PLCB4: variants seen among roughly 807,000 people sequenced by gnomAD.
PLCB4 encodes phospholipase C beta 4.
In PLCB4, 77 loss-of-function variants were observed where a neutral mutation model predicts 178.8. The observed-to-expected ratio is 0.43, with a 90% confidence interval of 0.36 to 0.52. The LOEUF (loss-of-function observed/expected upper bound fraction) is 0.52. Ranked by LOEUF, PLCB4 falls within the 20% of genes least tolerant of loss-of-function variation. The pLI, the probability that PLCB4 is intolerant of heterozygous loss-of-function variation, is 0.00. For synonymous variants in PLCB4, 496 were observed against 490.8 expected, an observed-to-expected ratio of 1.01 and a Z score of -0.14; for missense variants, 1,024 against 1,453.4, an observed-to-expected ratio of 0.70 and a Z score of 4.80.
chr20:9,396,168 A>G (rs2038570994), intron 19 of PLCB4, among the ~76,000 whole-genome samples: 3 of 152,226 alleles, frequency 2.0e-5, no homozygotes, highest in African/African-American at 7.2e-5. Context: ...TTCAGCAGAA[A>G]TTCTTAGCCA....
chr20:9,178,511 G>A (rs2093191643), intron 2 of PLCB4, among the ~76,000 whole-genome samples: 1 of 151,694 alleles, frequency 6.6e-6, no homozygotes, highest in South Asian at 2.1e-4. Flanking sequence ...TTAGCATTAA[G>A]TAATATTCAT....
chr20:9,259,597 G>C (rs2094275935), intron 3 of PLCB4, among the ~76,000 whole-genome samples: 1 of 152,052 alleles, frequency 6.6e-6, no homozygotes, highest in Non-Finnish European at 1.5e-5. Flanking sequence ...GAGATGGAGA[G>C]AAGGAGGGAA....
intron 2 of PLCB4, among the ~76,000 whole-genome samples, chr20:9,206,422 C>G (rs2093616529): frequency 6.6e-6 from 1 of 151,074 alleles, no homozygotes; most frequent in Non-Finnish European, 1.5e-5. Flanking sequence ...ACTCCCATGG[C>G]ATTCAGCACA....
intron 7 of PLCB4, among the ~76,000 whole-genome samples, chr20:9,343,546 C>CT (rs1184214252): frequency 6.6e-6 from 1 of 152,050 alleles, no homozygotes; most frequent in Non-Finnish European, 1.5e-5. Flanking sequence ...TATGATTGTG[C>CT]TTTTTTCAGT....
At position 9,393,599 on chromosome 20, in the gene PLCB4, C is replaced by A. The variant is rs2038329165; in HGVS notation, c.1335C>A (p.Gly445=). ...QALESHPLEP[G]RALPSPNDLK... is the part of the protein sequence containing the mutation. Reference sequence around the variant, plus strand: ...CTGTTTCTCTCTAGCTTGAACCAGGCAGGGCTTTGCCATCCCCCAATGACC... The same window carrying A: ...CTGTTTCTCTCTAGCTTGAACCAGGAAGGGCTTTGCCATCCCCCAATGACC... Residue 445 remains glycine (G), a synonymous_variant, in exon 18 of 40, where the codon GGC becomes GGA. Coordinates refer to ENST00000378473, the MANE Select transcript of PLCB4 (RefSeq NM_001377142.1). The A allele has an allele frequency of 1.2e-6, 2 of 1,607,492 alleles. No homozygotes were observed. Among genetic ancestry groups the A allele is most frequent in the Non-Finnish European group, 1.7e-6 (2 of 1,174,114 alleles).
At chr20:9,372,215 T>C in intron 10 of PLCB4, 88 bp from the exon 11 acceptor site, 1 of 729,448 alleles carries the variant, frequency 1.4e-6, no homozygotes, top group South Asian at 1.8e-5. Context: ...GTCCAAGTGG[T>C]CTTCACTGTG....
chr20:9,405,350 TA>T lies in PLCB4; in HGVS notation c.1647+4del. The T allele has an allele frequency of 6.6e-7, 1 of 1,514,514 alleles. No homozygotes were observed. The highest frequency in any genetic ancestry group is 9.0e-7 in the Non-Finnish European group (1 of 1,108,962). 93.8% of individuals were successfully genotyped at this position (1,514,514 alleles called of 1,614,324 possible). On this transcript the variant is annotated splice_donor_region_variant and intron_variant, in intron 21 of 39. Transcript: ENST00000378473. ...CTTGAACATGAAAACAACAAAAAGG[TA>T]ACAAAATAATTCCCTTGCACATTTT... is the stretch of plus-strand genomic sequence containing the variant.
intron 32 of PLCB4, among the ~76,000 whole-genome samples, chr20:9,444,848 A>C (rs979084336): frequency 1.3e-5 from 2 of 152,152 alleles, no homozygotes; most frequent in Non-Finnish European, 2.9e-5. Flanking sequence ...AGTTACCTAA[A>C]TTGCCAGGTC....
chr20:9,345,331 G>A (rs1023087386), intron 7 of PLCB4, among the ~76,000 whole-genome samples: 1 of 151,890 alleles, frequency 6.6e-6, no homozygotes, highest in African/African-American at 2.4e-5. Context: ...TTGAATATGA[G>A]CATTCTAATA....
intron 9 of PLCB4, among the ~76,000 whole-genome samples, chr20:9,367,081 C>T (rs1032563454): frequency 5.9e-5 from 9 of 152,206 alleles, no homozygotes; most frequent in African/African-American, 9.6e-5. Flanking sequence ...AGCTTCCATT[C>T]TGCATCCCTG....
intron 11 of PLCB4, 24 bp downstream of exon 11, chr20:9,372,427 G>C (rs528616253): frequency 8.4e-7 from 1 of 1,188,356 alleles, no homozygotes; most frequent in African/African-American, 1.5e-5. Context: ...ATGAGGAAGT[G>C]CCATATAAAT....
chr20:9,399,883 C>T (rs1425162144), intron 19 of PLCB4, among the ~76,000 whole-genome samples: 1 of 152,176 alleles, frequency 6.6e-6, no homozygotes, highest in Non-Finnish European at 1.5e-5. Context: ...GACTGTAGGT[C>T]ATGGAAACCT....
chr20:9,103,026 C>CTTT (rs11484220), intron 2 of PLCB4, among the ~76,000 whole-genome samples: 16 of 139,238 alleles, frequency 1.1e-4, no homozygotes, highest in Admixed American at 2.9e-4. Context: ...TGCCATTGTA[C>CTTT]TTTTTTTTTT....
chr20:9,115,364 A>G (rs1403762176), intron 2 of PLCB4, among the ~76,000 whole-genome samples: 2 of 151,870 alleles, frequency 1.3e-5, no homozygotes, highest in African/African-American at 2.4e-5. Flanking sequence ...CCCTCCCTAT[A>G]TATTATTTAA....
chr20:9,150,209 C>T (rs927225328), intron 2 of PLCB4, among the ~76,000 whole-genome samples: 9 of 152,146 alleles, frequency 5.9e-5, no homozygotes, highest in African/African-American at 1.7e-4. Context: ...TTGCTAGGTG[C>T]GTACCACTTG....
intron 19 of PLCB4, among the ~76,000 whole-genome samples, chr20:9,400,898 C>T (rs1393861549): frequency 6.6e-6 from 1 of 152,168 alleles, no homozygotes; most frequent in Non-Finnish European, 1.5e-5. Flanking sequence ...TTCCACTTCT[C>T]CTCCTACCTG....
intron 14 of PLCB4, among the ~76,000 whole-genome samples, chr20:9,386,314 G>T (rs2037661444): frequency 6.6e-6 from 1 of 152,098 alleles, no homozygotes; most frequent in East Asian, 1.9e-4. Context: ...TGATGTAAAA[G>T]TTCAAAAATT....
chr20:9,268,750 G>C (rs934606497), intron 3 of PLCB4, among the ~76,000 whole-genome samples: 6 of 152,156 alleles, frequency 3.9e-5, no homozygotes, highest in Non-Finnish European at 7.4e-5. Flanking sequence ...AGCAACCACT[G>C]TTTTAGAGGT....
chr20:9,094,631 G>A (rs1304801218), intron 1 of PLCB4, among the ~76,000 whole-genome samples: 3 of 152,034 alleles, frequency 2.0e-5, no homozygotes, highest in African/African-American at 7.2e-5. Context: ...TGGCAGTTTC[G>A]TTTCATCCAT....
Sources: gnomAD v4.1 joint callset for allele counts (sites outside exome capture counted in the v4.1 genomes callset) on GRCh38, gnomAD v4.1.1 for gene constraint, MANE v1.5 for transcripts, NCBI Gene and HGNC (gene_info 2026-07-23, HGNC 2026-07-21) for gene names.